DOCK5: variants seen among roughly 807,000 people sequenced by gnomAD.
DOCK5 encodes dedicator of cytokinesis protein 5.
In DOCK5, 142 loss-of-function variants were observed where a neutral mutation model predicts 251.8. That is an observed-to-expected ratio of 0.56 (90% CI 0.49 to 0.65). DOCK5 has a LOEUF of 0.65. Among genes scored for constraint, DOCK5 ranks in the 30% least tolerant of loss-of-function variants. DOCK5 has a pLI of 0.00. For missense variants in DOCK5, 2,111 were observed against 2,312.3 expected, an observed-to-expected ratio of 0.91 and a Z score of 1.79; for synonymous variants, 842 against 835.5, an observed-to-expected ratio of 1.01 and a Z score of -0.13.
At chr8:25,218,055 A>G (rs1253615285) in intron 1 of DOCK5, among the ~76,000 whole-genome samples, 3 of 152,224 alleles carry the variant, frequency 2.0e-5, no homozygotes, top group African/African-American at 7.2e-5. Flanking sequence ...TAGTAAGCAA[A>G]TAAGTATCAC....
chr8:25,273,640 A>G (rs1055284069), intron 3 of DOCK5, among the ~76,000 whole-genome samples: 2 of 152,226 alleles, frequency 1.3e-5, no homozygotes, highest in Non-Finnish European at 2.9e-5. Flanking sequence ...GAATGAATAA[A>G]TAGTCAGAAG....
intron 34 of DOCK5, among the ~76,000 whole-genome samples, 167 bp downstream of exon 34, chr8:25,369,808 C>A (rs566919038): frequency 1.9e-4 from 29 of 152,234 alleles, no homozygotes; most frequent in African/African-American, 6.7e-4. Context: ...CCACAGCTGA[C>A]ATTGTTTATC....
intron 13 of DOCK5, among the ~76,000 whole-genome samples, chr8:25,314,890 C>T (rs369293853): frequency 9.3e-5 from 14 of 150,944 alleles, no homozygotes; most frequent in African/African-American, 2.7e-4. Context: ...AAAGGACTCT[C>T]AAGTCTCTCT....
chr8:25,259,658 A>T (rs527247623), intron 2 of DOCK5, among the ~76,000 whole-genome samples: 16 of 152,192 alleles, frequency 1.1e-4, no homozygotes, highest in Admixed American at 1.0e-3. Context: ...ACAAGGTCTT[A>T]CTATGTTGCC....
intron 22 of DOCK5, among the ~76,000 whole-genome samples, chr8:25,338,884 G>A (rs2468900): frequency 0.98 from 148,612 of 152,322 alleles, 72,596 homozygotes; most frequent in Middle Eastern, 1. Context: ...CATTTGTTGA[G>A]GCACATCAGA....
intron 1 of DOCK5, among the ~76,000 whole-genome samples, chr8:25,191,022 T>G (rs1586214601): frequency 6.6e-6 from 1 of 151,890 alleles, no homozygotes; most frequent in Non-Finnish European, 1.5e-5. Context: ...CTGAACTTGG[T>G]CATGTTTTAA....
At chr8:25,334,030 T>C in intron 20 of DOCK5, 66 bp from the exon 21 acceptor site, 4 of 1,230,682 alleles carry the variant, frequency 3.3e-6, no homozygotes, top group Non-Finnish European at 4.8e-6. Flanking sequence ...GATGTTAAAA[T>C]GCGGCTTGTT....
intron 21 of DOCK5, among the ~76,000 whole-genome samples, chr8:25,334,532 A>G (rs1488675837): frequency 6.6e-6 from 1 of 152,084 alleles, no homozygotes; most frequent in Non-Finnish European, 1.5e-5. Flanking sequence ...GCAACATAAC[A>G]AGAACCTATC....
chr8:25,198,190 G>GTTGCATC (rs1300157505), intron 1 of DOCK5, among the ~76,000 whole-genome samples: 1 of 152,200 alleles, frequency 6.6e-6, no homozygotes, highest in East Asian at 1.9e-4. Context: ...CCTGCAACAA[G>GTTGCATC]TTGCATCGTA....
chr8:25,402,592 G>C (rs1473329668), intron 47 of DOCK5, among the ~76,000 whole-genome samples: 1 of 150,876 alleles, frequency 6.6e-6, no homozygotes, highest in Non-Finnish European at 1.5e-5. Context: ...CACCGCGCCC[G>C]GCCCACACCC....
At chr8:25,358,088 G>A (rs981838038) in intron 27 of DOCK5, among the ~76,000 whole-genome samples, 1 of 152,210 alleles carries the variant, frequency 6.6e-6, no homozygotes, top group African/African-American at 2.4e-5. Flanking sequence ...TTGGAGAAGC[G>A]GTATCAGGTT....
At chr8:25,301,501 G>A (rs925748516) in intron 9 of DOCK5, among the ~76,000 whole-genome samples, 5 of 152,028 alleles carry the variant, frequency 3.3e-5, no homozygotes, top group African/African-American at 1.2e-4. Context: ...GATGTGATTA[G>A]TTTTTTTTCT....
At chr8:25,361,240 C>T (rs1195272931) in intron 28 of DOCK5, among the ~76,000 whole-genome samples, 1 of 152,192 alleles carries the variant, frequency 6.6e-6, no homozygotes, top group Non-Finnish European at 1.5e-5. Flanking sequence ...TCAATCCTTG[C>T]TTCACAAACC....
chr8:25,329,054 C>T (rs893709759), intron 18 of DOCK5, among the ~76,000 whole-genome samples: 1 of 152,134 alleles, frequency 6.6e-6, no homozygotes, highest in Non-Finnish European at 1.5e-5. Flanking sequence ...CTGTTTGTTA[C>T]GAACTCCAGT....
chr8:25,381,146 A>G (rs1448980967), intron 39 of DOCK5, among the ~76,000 whole-genome samples: 3 of 152,202 alleles, frequency 2.0e-5, no homozygotes, highest in African/African-American at 7.2e-5. Flanking sequence ...CTGAATGCCC[A>G]GTGGTAGGCA....
At chr8:25,214,102 A>G (rs1234089061) in intron 1 of DOCK5, among the ~76,000 whole-genome samples, 2 of 152,170 alleles carry the variant, frequency 1.3e-5, no homozygotes. Flanking sequence ...GTTTGTGTAC[A>G]TTGAACCATC....
At chr8:25,331,405 GC>G (rs1270970085) in intron 18 of DOCK5, among the ~76,000 whole-genome samples, 1 of 152,122 alleles carries the variant, frequency 6.6e-6, no homozygotes, top group East Asian at 1.9e-4. Flanking sequence ...ACTGTGCCCA[GC>G]CCCTTTGACA....
chr8:25,368,451 C>A, intron 32 of DOCK5, 120 bp from the exon 33 acceptor site: 1 of 1,212,960 alleles, frequency 8.2e-7, no homozygotes, highest in East Asian at 2.5e-5. Flanking sequence ...ATCTGAGTCA[C>A]TCACTTCTGA....
At chr8:25,301,251 G>A (rs932796375) in intron 9 of DOCK5, among the ~76,000 whole-genome samples, 3 of 152,156 alleles carry the variant, frequency 2.0e-5, no homozygotes, top group Non-Finnish European at 2.9e-5. Flanking sequence ...ACAGACAAGG[G>A]GGGGCTACTC....
Sources: gnomAD v4.1 joint callset for allele counts (sites outside exome capture counted in the v4.1 genomes callset) on GRCh38, gnomAD v4.1.1 for gene constraint, MANE v1.5 for transcripts, NCBI Gene and HGNC (gene_info 2026-07-23, HGNC 2026-07-21) for gene names.